The following PTCD1 variants were observed in gnomAD, a reference collection of about 807,000 sequenced individuals.
PTCD1 encodes pentatricopeptide repeat domain 1.
PTCD1 carries 50 observed loss-of-function variants against 53.4 expected under a neutral mutation model. The ratio of observed to expected loss-of-function variants is 0.94; its 90% CI spans 0.75 to 1.19. PTCD1 has a LOEUF of 1.19. Among genes scored for constraint, PTCD1 ranks in the 50% most tolerant of loss-of-function variants. PTCD1 has a pLI of 0.00. For missense variants in PTCD1, 918 were observed against 904.8 expected (o/e 1.01, Z -0.19); for synonymous variants, 413 against 394.8 (o/e 1.05, Z -0.55).
At chr7:99,426,894 T>C (rs2150952254) in intron 5 of PTCD1, among the ~76,000 whole-genome samples, 1 of 149,852 alleles carries the variant, frequency 6.7e-6, no homozygotes, top group African/African-American at 2.5e-5. Flanking sequence ...GAGGAGCGTC[T>C]CTGCCCGGCC....
intron 7 of PTCD1, among the ~76,000 whole-genome samples, chr7:99,420,381 G>A (rs530337200): frequency 6.6e-6 from 1 of 152,118 alleles, no homozygotes; most frequent in Non-Finnish European, 1.5e-5. Context: ...GCCCAATGGC[G>A]TTCTTCCCAA....
chr7:99,425,794 C>T (rs147853062), intron 5 of PTCD1, among the ~76,000 whole-genome samples, 178 bp from the exon 6 acceptor site: 5 of 152,128 alleles, frequency 3.3e-5, no homozygotes, highest in African/African-American at 7.2e-5. Context: ...ACGCCAGGCG[C>T]GGTGGCTCAC....
chr7:99,422,635 G>A (rs1171962130), intron 7 of PTCD1, among the ~76,000 whole-genome samples: 28 of 152,208 alleles, frequency 1.8e-4, no homozygotes, highest in Non-Finnish European at 1.5e-5. Flanking sequence ...AAATCGAGCT[G>A]CAGACATAGA....
rs182240201 is a variant in PTCD1, at chr7:99,431,456, A to G, written c.595-1650T>C. On this transcript the variant is annotated intron_variant, in intron 3 of 7. Coordinates refer to ENST00000292478, the MANE Select transcript of PTCD1 (RefSeq NM_015545.4). ...AATAATAGTTTTTTAAAATAGATGT[A>G]ATGGGCTGGGTGCGGTGGCTCACGC... Among the ~76,000 whole-genome samples the G allele has an allele frequency of 4.0e-4, 61 of 150,658 alleles. 1 individual carries two copies. In the East Asian group the frequency reaches 0.012, roughly 30 times the overall value.
intron 5 of PTCD1, among the ~76,000 whole-genome samples, chr7:99,427,415 G>A (rs1348644668): frequency 1.1e-4 from 16 of 139,864 alleles, no homozygotes; most frequent in South Asian, 2.3e-4. Context: ...GCCTCTGCCC[G>A]GCCGCCCCTA....
At position 99,420,070 on chromosome 7, in the gene PTCD1, G is replaced by A; in HGVS notation, c.2000C>T (p.Ala667Val). ...CTGCCAGGGGTGCGGGGTTTCCTCT[G>A]CGGGCATCACTGTCAGCCACTGCTT... is the stretch of plus-strand genomic sequence containing the variant. ...YYKQWLTVMP[A>V]EETPHPWQKF... Residue 667 changes from alanine to valine, a missense_variant, in exon 8 of 8, where the codon GCA (alanine) becomes GTA (valine). Coordinates refer to ENST00000292478, the MANE Select transcript of PTCD1 (RefSeq NM_015545.4). The A allele has an allele frequency of 6.2e-7, 1 of 1,614,216 alleles. No individual in the cohort carries two copies. The highest frequency in any genetic ancestry group is 8.5e-7 in the Non-Finnish European group (1 of 1,180,032).
rs1428932001 is a variant in PTCD1 at position 99,429,701 on chromosome 7, G to A, written c.700C>T (p.Leu234Phe). The change falls in exon 4 of 8, where the codon CTC becomes TTC. Residue 234 changes from leucine to phenylalanine, a missense_variant. Transcript: ENST00000292478. Reference sequence around the variant, plus strand: ...TTTTTGGCCTGCAGCTGCTGCCGGAGCTTCAGGGCGCTCTGTAGAGCTGAG... The same window carrying A: ...TTTTTGGCCTGCAGCTGCTGCCGGAACTTCAGGGCGCTCTGTAGAGCTGAG... ...KDSALQSALK[L>F]RQQLQAKNFE... The A allele has an allele frequency of 6.2e-7, 1 of 1,614,228 alleles. No individual in the cohort carries two copies. The highest frequency in any genetic ancestry group is 8.5e-7 in the Non-Finnish European group (1 of 1,180,040).
chr7:99,435,613 TG>T (rs1486569330), intron 1 of PTCD1, among the ~76,000 whole-genome samples: 1 of 147,216 alleles, frequency 6.8e-6, no homozygotes, highest in Non-Finnish European at 1.5e-5. Context: ...TACTCCAACC[TG>T]GGTGACAGAG....
In PTCD1 at chr7:99,419,761, C is replaced by G; in HGVS notation, c.*206G>C. On this transcript the variant is annotated 3_prime_UTR_variant, in exon 8 of 8. Coordinates refer to ENST00000292478, the MANE Select transcript of PTCD1 (RefSeq NM_015545.4). ...AGCTGGAAGTCCCGTGAAGGTGACA[C>G]GCAAAGGTGGCTGGAGCTGCACTTG... is the stretch of plus-strand genomic sequence containing the variant. 2 of 808,100 alleles carry G rather than the reference C, an allele frequency of 2.5e-6. No homozygotes were observed. Among genetic ancestry groups the G allele is most frequent in the Non-Finnish European group, 3.8e-6 (2 of 522,354 alleles). 50.1% of individuals were successfully genotyped at this position (808,100 alleles called of 1,614,324 possible). A position where few individuals can be genotyped will look rare whatever the true frequency, so the allele number is the denominator to read the frequency against.
At chr7:99,429,074 G>A in intron 5 of PTCD1, 29 bp downstream of exon 5, 5 of 1,613,398 alleles carry the variant, frequency 3.1e-6, no homozygotes, top group Non-Finnish European at 4.2e-6. Context: ...GGGGAAGCAG[G>A]GCAGGAAGGT....
Position 99,417,788 on chromosome 7 carries a change from T to TA in PTCD1, c.*2178dup. The TA allele has an allele frequency of 6.5e-7, 1 of 1,527,880 alleles. No individual in the cohort carries two copies. Among genetic ancestry groups the TA allele is most frequent in the Non-Finnish European group, 8.7e-7 (1 of 1,142,882 alleles). The allele number at this position is 1,527,880 out of a possible 1,614,324, so 94.6% of individuals were successfully genotyped here. ...AGGCAGCGTGTGGCTGTGTGTTTGTTAGGTCTGGGGTCAATCTCAACTCCA... is the reference window on the plus strand; with the variant it reads ...AGGCAGCGTGTGGCTGTGTGTTTGTTAAGGTCTGGGGTCAATCTCAACTCCA... On this transcript the variant is annotated 3_prime_UTR_variant, in exon 8 of 8. Transcript: ENST00000292478.
intron 7 of PTCD1, among the ~76,000 whole-genome samples, chr7:99,421,799 G>A (rs1795835111): frequency 6.6e-6 from 1 of 152,084 alleles, no homozygotes. Context: ...CAACACAGCA[G>A]AGGGTCCTGA....
rs774848660 is a variant in PTCD1 at position 99,425,433 on chromosome 7, C to G, written c.1099G>C (p.Ala367Pro). 21 of 1,613,920 alleles carry G rather than the reference C, an allele frequency of 1.3e-5. No individual in the cohort carries two copies. Among genetic ancestry groups the G allele is most frequent in the African/African-American group, 2.7e-5 (2 of 74,942 alleles). ...PVSRQRPRRTAQAKAGNLMSA... is the reference protein window; with the variant it reads ...PVSRQRPRRTPQAKAGNLMSA... ...ATGAGGTTGCCTGCCTTGGCCTGGG[C>G]TGTCCTCCTTGGCCGCTGCCTGCTC... The change falls in exon 6 of 8, where the codon GCC (alanine) becomes CCC (proline). Residue 367 changes from alanine to proline, a missense_variant. Coordinates refer to ENST00000292478, the MANE Select transcript of PTCD1 (RefSeq NM_015545.4).
intron 7 of PTCD1, among the ~76,000 whole-genome samples, chr7:99,422,269 C>T (rs956164181): frequency 2.6e-5 from 4 of 152,198 alleles, no homozygotes; most frequent in Admixed American, 6.5e-5. Flanking sequence ...ACCTGCACGG[C>T]GTTCCTGACC....
At chr7:99,427,488 TCAGCCCCCCGCC>T (rs1796096220) in intron 5 of PTCD1, among the ~76,000 whole-genome samples, 1 of 130,936 alleles carries the variant, frequency 7.6e-6, no homozygotes, top group Non-Finnish European at 1.6e-5. Context: ...GTGGGGGGGG[TCAGCCCCCCGCC>T]CAGCCAGCCG....
chr7:99,423,714 G>C (rs1795913077), intron 7 of PTCD1, 61 bp downstream of exon 7: 2 of 1,610,720 alleles, frequency 1.2e-6, no homozygotes, highest in East Asian at 2.2e-5. Context: ...GGGTTGGGTG[G>C]TGGGGGGAGG....
intron 5 of PTCD1, among the ~76,000 whole-genome samples, chr7:99,428,381 C>T (rs1476164956): frequency 3.7e-4 from 50 of 136,220 alleles, no homozygotes; most frequent in Middle Eastern, 4.1e-3. Context: ...CCAGCCTGGG[C>T]GACAGAGCAA....
At position 99,435,271 on chromosome 7, in the gene PTCD1, G is replaced by C. The variant is rs772996356; in HGVS notation, c.-26-3C>G. 44 of 1,599,994 alleles carry C rather than the reference G, an allele frequency of 2.8e-5. No homozygotes were observed. The highest frequency in any genetic ancestry group is 3.4e-5 in the Non-Finnish European group (40 of 1,179,950). ...TGGCTTTCCTGTCCCTCCAGGGCCT[G>C]GAATATATCAGGAAAAATAAGAGAG... On this transcript the variant is annotated splice_region_variant and splice_polypyrimidine_tract_variant and intron_variant, in intron 1 of 7. Coordinates refer to ENST00000292478, the MANE Select transcript of PTCD1 (RefSeq NM_015545.4).
chr7:99,435,354 C>T lies in PTCD1; in HGVS notation c.-26-86G>A, dbSNP rs191313486. On this transcript the variant is annotated intron_variant, in intron 1 of 7. Transcript: ENST00000292478. ...GAAAGAAGTGGTTACAAGTATGGGC[C>T]CAGGCCAGGCGCGGTGGCTCATGCC... is the stretch of plus-strand genomic sequence containing the variant. 1.2e-5 allele frequency: 18 copies of T among 1,531,802 alleles called. No homozygotes were observed. In the East Asian group the frequency reaches 4.3e-4, roughly 36 times the overall value. 94.9% of individuals were successfully genotyped at this position (1,531,802 alleles called of 1,614,324 possible).
Sources: gnomAD v4.1 joint callset for allele counts (sites outside exome capture counted in the v4.1 genomes callset) on GRCh38, gnomAD v4.1.1 for gene constraint, MANE v1.5 for transcripts, NCBI Gene and HGNC (gene_info 2026-07-23, HGNC 2026-07-21) for gene names.